The following PTPRD variants were observed in gnomAD, a reference collection of about 807,000 sequenced individuals.
The protein encoded by PTPRD is receptor-type tyrosine-protein phosphatase delta.
A neutral mutation model predicts 214.5 loss-of-function variants in PTPRD; 34 were observed. The observed-to-expected ratio is 0.16, with a 90% CI of 0.12 to 0.21. PTPRD has a LOEUF of 0.21. PTPRD is among the 10% of genes least tolerant of loss of function. PTPRD has a pLI of 1.00. For synonymous variants in PTPRD, 1,128 were observed against 845.7 expected, an observed-to-expected ratio of 1.33 and a Z score of -5.79; for missense variants, 2,545 against 2,398.7, an observed-to-expected ratio of 1.06 and a Z score of -1.27.
intron 7 of PTPRD, among the ~76,000 whole-genome samples, chr9:9,716,726 G>A (rs1315996982): frequency 1.3e-5 from 2 of 152,078 alleles, no homozygotes; most frequent in Non-Finnish European, 2.9e-5. Context: ...ATTTGTTTGA[G>A]TTCCTTGTAG....
At position 10,031,647 on chromosome 9, in the gene PTPRD, T is replaced by TATATATATATATACACAC; in HGVS notation, c.-472+2070_-472+2071insGTGTGTATATATATATAT. 2.7e-4 allele frequency among the ~76,000 whole-genome samples: 24 copies of TATATATATATATACACAC among 89,638 alleles called. 3 individuals carry two copies. Among genetic ancestry groups the TATATATATATATACACAC allele is most frequent in the African/African-American group, 1.5e-3 (19 of 12,356 alleles). 58.8% of individuals were successfully genotyped at this position (89,638 alleles called of 152,430 possible). A position where few individuals can be genotyped will look rare whatever the true frequency, so the allele number is the denominator to read the frequency against. On this transcript the variant is annotated intron_variant, in intron 4 of 45. Coordinates refer to ENST00000381196, the MANE Select transcript of PTPRD (RefSeq NM_002839.4). ...CTCCATATATATATATATATATATA[T>TATATATATATATACACAC]ACACACACACACACACACATACACA...
chr9:9,765,090 A>C (rs939068744), intron 6 of PTPRD, among the ~76,000 whole-genome samples: 2 of 152,120 alleles, frequency 1.3e-5, no homozygotes, highest in African/African-American at 4.8e-5. Flanking sequence ...CAGCTGGCTT[A>C]TTTTCTTTGG....
At chr9:8,448,189 G>A (rs1278850921) in intron 34 of PTPRD, among the ~76,000 whole-genome samples, 1 of 151,978 alleles carries the variant, frequency 6.6e-6, no homozygotes, top group Non-Finnish European at 1.5e-5. Flanking sequence ...TTGTCTGGAT[G>A]TGGTGGCGTG....
At chr9:8,794,093 T>C (rs1011703879) in intron 11 of PTPRD, among the ~76,000 whole-genome samples, 3 of 152,184 alleles carry the variant, frequency 2.0e-5, no homozygotes, top group African/African-American at 2.4e-5. Context: ...CAAAGAGATA[T>C]GCAAAATTCA....
chr9:8,432,855 A>G (rs1265376493), intron 35 of PTPRD, among the ~76,000 whole-genome samples: 1 of 152,192 alleles, frequency 6.6e-6, no homozygotes. Context: ...ACATCAGTGA[A>G]GAGTCTATGT....
Position 10,141,639 on chromosome 9 carries a change from G to A in PTPRD, c.-544-107849C>T, listed in dbSNP as rs1036246404. Among the ~76,000 whole-genome samples, 8 of 151,922 alleles carry A rather than the reference G, an allele frequency of 5.3e-5. No homozygotes were observed. In the South Asian group the frequency reaches 1.2e-3, roughly 24 times the overall value. On this transcript the variant is annotated intron_variant, in intron 3 of 45. Transcript: ENST00000381196. ...ATGGAAGAATATTCCATGCTCATGG[G>A]TAGGAACAATCAATATCGTGAAAAT... is the stretch of plus-strand genomic sequence containing the variant.
At chr9:9,945,463 G>A (rs1042181825) in intron 4 of PTPRD, among the ~76,000 whole-genome samples, 1 of 152,132 alleles carries the variant, frequency 6.6e-6, no homozygotes, top group Admixed American at 6.6e-5. Flanking sequence ...GTAAAATGGA[G>A]CTGTTAATGA....
chr9:8,466,383 A>C (rs537088211), intron 31 of PTPRD, among the ~76,000 whole-genome samples: 39 of 152,066 alleles, frequency 2.6e-4, no homozygotes, highest in African/African-American at 8.9e-4. Flanking sequence ...AGGTAGATGA[A>C]AATTAATTTT....
intron 4 of PTPRD, among the ~76,000 whole-genome samples, chr9:9,992,530 G>A (rs1464350077): frequency 6.6e-6 from 1 of 152,126 alleles, no homozygotes; most frequent in Non-Finnish European, 1.5e-5. Context: ...ATTCACAATA[G>A]CAAAGACTTG....
chr9:9,701,254 T>C (rs9657637), intron 7 of PTPRD, among the ~76,000 whole-genome samples: 50,801 of 151,990 alleles, frequency 0.33, 9,614 homozygotes, highest in Admixed American at 0.48. Context: ...AAGAATGTTT[T>C]AAACATGATG....
At chr9:9,672,432 G>A (rs571175049) in intron 7 of PTPRD, among the ~76,000 whole-genome samples, 3 of 152,110 alleles carry the variant, frequency 2.0e-5, no homozygotes, top group Admixed American at 1.3e-4. Flanking sequence ...ATCAACTAAT[G>A]TAATAATCAA....
intron 11 of PTPRD, among the ~76,000 whole-genome samples, chr9:8,928,763 T>A (rs547010312): frequency 6.6e-6 from 1 of 152,276 alleles, no homozygotes; most frequent in South Asian, 2.1e-4. Context: ...AAGCACTGAA[T>A]CTATAAATTA....
At chr9:9,372,557 C>A (rs1363164034) in intron 9 of PTPRD, among the ~76,000 whole-genome samples, 1 of 152,102 alleles carries the variant, frequency 6.6e-6, no homozygotes, top group African/African-American at 2.4e-5. Flanking sequence ...TGGGTCTTGA[C>A]TCTTTATCCC....
intron 5 of PTPRD, among the ~76,000 whole-genome samples, chr9:9,902,591 G>C (rs1392626889): frequency 6.6e-6 from 1 of 152,106 alleles, no homozygotes; most frequent in Non-Finnish European, 1.5e-5. Flanking sequence ...ATTTAGAAAT[G>C]CACACTTCAA....
At chr9:9,070,886 G>C (rs1036673206) in intron 10 of PTPRD, among the ~76,000 whole-genome samples, 8 of 152,098 alleles carry the variant, frequency 5.3e-5, no homozygotes, top group African/African-American at 1.9e-4. Flanking sequence ...TACTGCTAGT[G>C]TCCCCACTAG....
chr9:8,595,419 G>C (rs1035852885), intron 14 of PTPRD, among the ~76,000 whole-genome samples: 13 of 152,030 alleles, frequency 8.6e-5, no homozygotes, highest in African/African-American at 3.1e-4. Context: ...TGCCATACAG[G>C]GGCATTCAGT....
At chr9:9,689,588 T>C (rs2097228040) in intron 7 of PTPRD, among the ~76,000 whole-genome samples, 1 of 151,902 alleles carries the variant, frequency 6.6e-6, no homozygotes, top group South Asian at 2.1e-4. Flanking sequence ...GGACTTATTT[T>C]TTCTAAGTGT....
At chr9:9,412,461 G>A (rs187905129) in intron 8 of PTPRD, among the ~76,000 whole-genome samples, 1 of 150,960 alleles carries the variant, frequency 6.6e-6, no homozygotes, top group Non-Finnish European at 1.5e-5. Context: ...CACAGATAGA[G>A]ACTCTCATCC....
At chr9:10,089,113 G>A (rs1266470402) in intron 3 of PTPRD, among the ~76,000 whole-genome samples, 1 of 151,246 alleles carries the variant, frequency 6.6e-6, no homozygotes, top group African/African-American at 2.4e-5. Context: ...AGGCTGAGGT[G>A]GAAGGATTGC....
Sources: gnomAD v4.1 joint callset for allele counts (sites outside exome capture counted in the v4.1 genomes callset) on GRCh38, gnomAD v4.1.1 for gene constraint, MANE v1.5 for transcripts, NCBI Gene and HGNC (gene_info 2026-07-23, HGNC 2026-07-21) for gene names.